Variants in CEP70 observed in about 807,000 individuals in gnomAD.
CEP70 encodes centrosomal protein of 70 kDa.
Under a neutral mutation model 90.9 loss-of-function variants are expected in CEP70, and 70 were observed. The ratio of observed to expected loss-of-function variants is 0.77; its 90% CI spans 0.64 to 0.94. The LOEUF (loss-of-function observed/expected upper bound fraction) is 0.94. Ranked by LOEUF, CEP70 falls within the 40% of genes least tolerant of loss-of-function variation. The probability of loss-of-function intolerance (pLI) is 0.00; values close to 1 mark genes in which losing one functional copy is unlikely to be tolerated. For synonymous variants in CEP70, 220 were observed against 228.3 expected (o/e 0.96, Z 0.33); for missense variants, 648 against 669.0 (o/e 0.97, Z 0.35).
chr3:138,549,100 G>A lies in CEP70; in HGVS notation c.466-11753C>T, dbSNP rs1424929191. On this transcript the variant is annotated intron_variant, in intron 6 of 17. Coordinates refer to ENST00000264982, the MANE Select transcript of CEP70 (RefSeq NM_024491.4). ...AGCCATTTCTGACTTGTCTCACAGG[G>A]GTCCTTTGGGAGGGCTGACAGAGGA... 3.3e-5 allele frequency among the ~76,000 whole-genome samples: 5 copies of A among 152,082 alleles called. No individual in the cohort carries two copies. In the South Asian group the frequency reaches 1.0e-3, roughly 32 times the overall value.
intron 6 of CEP70, among the ~76,000 whole-genome samples, chr3:138,553,250 T>C (rs1368587771): frequency 6.6e-6 from 1 of 151,570 alleles, no homozygotes; most frequent in African/African-American, 2.4e-5. Flanking sequence ...GAGGCCAAGG[T>C]GGGTGGATCA....
At position 138,537,318 on chromosome 3, in the gene CEP70, T is replaced by G; in HGVS notation, c.495A>C (p.Arg165=). The change falls in exon 7 of 18, where the codon CGA becomes CGC. Residue 165 remains arginine (R), a synonymous_variant. Coordinates refer to ENST00000264982, the MANE Select transcript of CEP70 (RefSeq NM_024491.4). ...AAGCAATAGTTTCTTCTTGCTCCGT[T>G]CGTTTTTTCTTATAATGCTGGCACT... ...QVKCQHYKKK[R]TEQEETIASL... 1 of 1,598,044 alleles carries G rather than the reference T, an allele frequency of 6.3e-7. No homozygotes were observed. Among genetic ancestry groups the G allele is most frequent in the Non-Finnish European group, 8.5e-7 (1 of 1,174,916 alleles).
intron 6 of CEP70, among the ~76,000 whole-genome samples, chr3:138,545,656 G>A (rs912662183): frequency 5.3e-5 from 8 of 152,170 alleles, no homozygotes; most frequent in African/African-American, 1.9e-4. Context: ...GTACAAGTAG[G>A]AGAGATACCG....
chr3:138,571,393 G>T, intron 3 of CEP70, 37 bp from the exon 4 acceptor site: 1 of 1,306,350 alleles, frequency 7.7e-7, no homozygotes, highest in South Asian at 1.3e-5. Context: ...GTTAACTTTA[G>T]ATATAAAGTG....
intron 1 of CEP70, among the ~76,000 whole-genome samples, chr3:138,593,372 AC>A (rs201113137): frequency 0.037 from 5,637 of 152,176 alleles, 158 homozygotes; most frequent in Non-Finnish European, 0.058. Context: ...ACAGGCGCAC[AC>A]CACCATGCCC....
At chr3:138,510,282 A>T (rs951735791) in intron 11 of CEP70, among the ~76,000 whole-genome samples, 11 of 151,726 alleles carry the variant, frequency 7.2e-5, no homozygotes, top group African/African-American at 2.7e-4. Flanking sequence ...CAAATACAAA[A>T]CTTAGCTGGA....
chr3:138,587,994 C>T (rs1481164685), intron 2 of CEP70, among the ~76,000 whole-genome samples: 2 of 150,050 alleles, frequency 1.3e-5, no homozygotes, highest in South Asian at 2.1e-4. Flanking sequence ...GCAGGAAAAA[C>T]GATAGTTTTT....
chr3:138,520,417 G>A (rs1421053364), intron 11 of CEP70, among the ~76,000 whole-genome samples: 2 of 152,054 alleles, frequency 1.3e-5, no homozygotes, highest in Admixed American at 6.6e-5. Flanking sequence ...TTCCAAAATC[G>A]ACCACATAGT....
At chr3:138,546,094 A>G (rs1028892051) in intron 6 of CEP70, among the ~76,000 whole-genome samples, 4 of 152,146 alleles carry the variant, frequency 2.6e-5, no homozygotes, top group African/African-American at 9.7e-5. Flanking sequence ...GTCTTTAATA[A>G]AAACCTGCTG....
Position 138,496,377 on chromosome 3 carries a change from A to T in CEP70, c.1733-1301T>A, listed in dbSNP as rs1006493957. 4.6e-5 allele frequency: 45 copies of T among 985,440 alleles called. No individual in the cohort carries two copies. In the African/African-American group the frequency reaches 7.8e-4, roughly 17 times the overall value. The allele number at this position is 985,440 out of a possible 1,614,324, so 61.0% of individuals were successfully genotyped here. On this transcript the variant is annotated intron_variant, in intron 17 of 17. Transcript: ENST00000264982. ...CTGAACCCACTAACAAAGCATCAAGATATGGGAACAGAAACAATATAAGCA... is the reference window on the plus strand; with the variant it reads ...CTGAACCCACTAACAAAGCATCAAGTTATGGGAACAGAAACAATATAAGCA...
Position 138,529,186 on chromosome 3 carries a change from A to T in CEP70, c.869+13T>A. 2 of 1,518,076 alleles carry T rather than the reference A, an allele frequency of 1.3e-6. No individual in the cohort carries two copies. Among genetic ancestry groups the T allele is most frequent in the Non-Finnish European group, 1.8e-6 (2 of 1,111,992 alleles). The allele number at this position is 1,518,076 out of a possible 1,614,324, so 94.0% of individuals were successfully genotyped here. ...TCTCAGGAAAAAAAAAAAAAAAATT[A>T]AGTTTCTCTCACCTGGTTTCCAAAT... On this transcript the variant is annotated intron_variant, in intron 10 of 17. Coordinates refer to ENST00000264982, the MANE Select transcript of CEP70 (RefSeq NM_024491.4).
intron 6 of CEP70, 99 bp from the exon 7 acceptor site, chr3:138,537,446 A>C: frequency 1.3e-6 from 1 of 759,076 alleles, no homozygotes. Context: ...GTTTCTACTG[A>C]GCTGTTTCAT....
chr3:138,567,258 G>A (rs1383321782), intron 6 of CEP70, among the ~76,000 whole-genome samples: 2 of 152,114 alleles, frequency 1.3e-5, no homozygotes, highest in Non-Finnish European at 2.9e-5. Context: ...TACCAAACAT[G>A]CAGCACTAAA....
intron 6 of CEP70, among the ~76,000 whole-genome samples, chr3:138,563,979 G>A (rs1486303475): frequency 6.6e-6 from 1 of 151,954 alleles, no homozygotes; most frequent in Non-Finnish European, 1.5e-5. Flanking sequence ...AAAGAGAGAA[G>A]AATCAAATAG....
chr3:138,518,694 T>C (rs1412848785), intron 11 of CEP70, among the ~76,000 whole-genome samples: 1 of 151,846 alleles, frequency 6.6e-6, no homozygotes, highest in East Asian at 1.9e-4. Context: ...ATCATCATCA[T>C]CAAAGACAAA....
intron 3 of CEP70, 44 bp downstream of exon 3, chr3:138,572,815 G>T: frequency 2.5e-6 from 3 of 1,206,246 alleles, no homozygotes; most frequent in Non-Finnish European, 3.7e-6. Context: ...GCATTCTTTG[G>T]CACATATTTT....
chr3:138,538,459 A>G (rs2038474264), intron 6 of CEP70, among the ~76,000 whole-genome samples: 1 of 152,188 alleles, frequency 6.6e-6, no homozygotes, highest in Non-Finnish European at 1.5e-5. Context: ...GCCACCATCT[A>G]GTACCAAGAA....
chr3:138,551,342 T>A (rs779864113), intron 6 of CEP70, among the ~76,000 whole-genome samples: 13 of 152,120 alleles, frequency 8.5e-5, no homozygotes, highest in Non-Finnish European at 1.9e-4. Context: ...AAGCCAGCAA[T>A]ACAAGAACTA....
intron 6 of CEP70, among the ~76,000 whole-genome samples, chr3:138,569,634 G>A (rs2041027732): frequency 1.3e-5 from 2 of 152,146 alleles, no homozygotes; most frequent in Non-Finnish European, 2.9e-5. Context: ...TTGGGAGGCC[G>A]AGGCAGGCGG....
Sources: gnomAD v4.1 joint callset for allele counts (sites outside exome capture counted in the v4.1 genomes callset) on GRCh38, gnomAD v4.1.1 for gene constraint, MANE v1.5 for transcripts, NCBI Gene and HGNC (gene_info 2026-07-23, HGNC 2026-07-21) for gene names.